The following ST6GALNAC3 variants were observed in gnomAD, a reference collection of about 807,000 sequenced individuals.
ST6GALNAC3 encodes ST6 N-acetylgalactosaminide alpha-2,6-sialyltransferase 3.
In ST6GALNAC3, 25 loss-of-function variants were observed where a neutral mutation model predicts 32.7. That is an observed-to-expected ratio of 0.76 (90% CI 0.56 to 1.07). The LOEUF (loss-of-function observed/expected upper bound fraction) is 1.07. Ranked by LOEUF, ST6GALNAC3 falls within the 50% of genes least tolerant of loss-of-function variation. ST6GALNAC3 has a pLI of 0.00. For synonymous variants in ST6GALNAC3, 129 were observed against 133.1 expected, an observed-to-expected ratio of 0.97 and a Z score of 0.21; for missense variants, 355 against 382.4, an observed-to-expected ratio of 0.93 and a Z score of 0.60.
chr1:76,159,739 T>G (rs770005972), intron 1 of ST6GALNAC3, among the ~76,000 whole-genome samples: 1 of 152,206 alleles, frequency 6.6e-6, no homozygotes. Flanking sequence ...CAACATAATG[T>G]CTGAAAGATA....
intron 3 of ST6GALNAC3, among the ~76,000 whole-genome samples, chr1:76,534,103 C>T (rs193282302): frequency 4.1e-4 from 62 of 151,994 alleles, no homozygotes; most frequent in African/African-American, 1.1e-3. Context: ...AGTGCAGTGC[C>T]GTGATCTTGA....
At chr1:76,206,592 G>A (rs922093417) in intron 1 of ST6GALNAC3, among the ~76,000 whole-genome samples, 2 of 152,140 alleles carry the variant, frequency 1.3e-5, no homozygotes, top group African/African-American at 2.4e-5. Context: ...GCCAGGCATG[G>A]TGGCGGGTGC....
intron 3 of ST6GALNAC3, among the ~76,000 whole-genome samples, chr1:76,574,885 A>G (rs1281329739): frequency 6.6e-6 from 1 of 152,074 alleles, no homozygotes; most frequent in Non-Finnish European, 1.5e-5. Flanking sequence ...TCACTTGGCT[A>G]GTTGAGAAGG....
At chr1:76,611,061 G>A (rs1570442860) in intron 3 of ST6GALNAC3, among the ~76,000 whole-genome samples, 1 of 144,926 alleles carries the variant, frequency 6.9e-6, no homozygotes, top group East Asian at 2.0e-4. Flanking sequence ...TTTTTTTCCA[G>A]GTGAGGTATA....
At chr1:76,238,561 G>T (rs1472652658) in intron 1 of ST6GALNAC3, among the ~76,000 whole-genome samples, 1 of 152,202 alleles carries the variant, frequency 6.6e-6, no homozygotes, top group African/African-American at 2.4e-5. Context: ...TAGCTGAGGA[G>T]ATGGATGATG....
At chr1:76,415,562 A>C (rs187293345) in intron 3 of ST6GALNAC3, among the ~76,000 whole-genome samples, 2 of 152,180 alleles carry the variant, frequency 1.3e-5, no homozygotes, top group African/African-American at 4.8e-5. Context: ...CCTTATGCTC[A>C]GATTGCCCTA....
chr1:76,457,462 G>A (rs1034261255), intron 3 of ST6GALNAC3, among the ~76,000 whole-genome samples: 1 of 152,110 alleles, frequency 6.6e-6, no homozygotes, highest in Non-Finnish European at 1.5e-5. Flanking sequence ...TATACTACAA[G>A]GCTATACTAT....
rs1647244122 is a variant in ST6GALNAC3 at position 76,101,981 on chromosome 1, G to GT, written c.18+27100dup. Among the ~76,000 whole-genome samples the GT allele has an allele frequency of 3.9e-5, 6 of 152,150 alleles. No homozygotes were observed. In the South Asian group the frequency reaches 1.2e-3, roughly 32 times the overall value. ...ATTTGTTGAGTGCAATGTTCTATAT[G>GT]TTTATTTGGCCAATTTTGCTGTTTA... On this transcript the variant is annotated intron_variant, in intron 1 of 4. Coordinates refer to ENST00000328299, the MANE Select transcript of ST6GALNAC3 (RefSeq NM_152996.4).
intron 3 of ST6GALNAC3, among the ~76,000 whole-genome samples, chr1:76,486,323 G>A (rs542074327): frequency 6.6e-4 from 101 of 152,212 alleles, no homozygotes; most frequent in African/African-American, 2.4e-3. Flanking sequence ...TGACAGTGGG[G>A]TGTTAAAGTC....
At chr1:76,574,951 G>A in intron 3 of ST6GALNAC3, among the ~76,000 whole-genome samples, 1 of 152,042 alleles carries the variant, frequency 6.6e-6, no homozygotes, top group East Asian at 1.9e-4. Context: ...CAAAGAAGTT[G>A]ACCTAAGCTC....
intron 3 of ST6GALNAC3, among the ~76,000 whole-genome samples, chr1:76,626,544 C>G (rs1349686978): frequency 7.9e-5 from 12 of 151,926 alleles, no homozygotes; most frequent in Admixed American, 7.9e-4. Context: ...CCCTTCAGTT[C>G]CTGCATTTCC....
chr1:76,369,870 A>T (rs1650679569), intron 2 of ST6GALNAC3, among the ~76,000 whole-genome samples: 1 of 152,192 alleles, frequency 6.6e-6, no homozygotes, highest in South Asian at 2.1e-4. Flanking sequence ...AGCCTTGAAA[A>T]TCATGAGGGA....
At chr1:76,605,575 G>A (rs1207313432) in intron 3 of ST6GALNAC3, among the ~76,000 whole-genome samples, 5 of 151,924 alleles carry the variant, frequency 3.3e-5, no homozygotes, top group Non-Finnish European at 5.9e-5. Flanking sequence ...ATTAAAAAGT[G>A]AGCAAAGGGC....
chr1:76,310,997 A>T (rs1570776856), intron 1 of ST6GALNAC3, among the ~76,000 whole-genome samples: 1 of 152,018 alleles, frequency 6.6e-6, no homozygotes, highest in African/African-American at 2.4e-5. Context: ...CGTCACATGG[A>T]CCCCAAATCT....
intron 1 of ST6GALNAC3, among the ~76,000 whole-genome samples, chr1:76,229,422 C>A (rs1656243531): frequency 6.6e-6 from 1 of 152,172 alleles, no homozygotes; most frequent in Admixed American, 6.5e-5. Flanking sequence ...GCACCCATAA[C>A]CTTTAATTAG....
At chr1:76,088,629 A>G (rs1470129786) in intron 1 of ST6GALNAC3, among the ~76,000 whole-genome samples, 2 of 152,106 alleles carry the variant, frequency 1.3e-5, no homozygotes, top group Non-Finnish European at 2.9e-5. Flanking sequence ...ATCTCTCTAG[A>G]TAAGGCCACA....
chr1:76,112,791 A>G (rs1464252579), intron 1 of ST6GALNAC3, among the ~76,000 whole-genome samples: 4 of 150,706 alleles, frequency 2.7e-5, no homozygotes, highest in African/African-American at 4.9e-5. Flanking sequence ...GCGGCCGGGC[A>G]GAGATGCTCC....
Position 76,184,562 on chromosome 1 carries a change from C to CAT in ST6GALNAC3, c.18+109678_18+109679insAT, listed in dbSNP as rs1553163156. On this transcript the variant is annotated intron_variant, in intron 1 of 4. Transcript: ENST00000328299. ...ACACACACACACACACACACACACA[C>CAT]GAAACATATGGGCAATCCAGGGGAT... Among the ~76,000 whole-genome samples, 959 of 148,082 alleles carry CAT rather than the reference C, an allele frequency of 6.5e-3. 17 individuals carry two copies. Among genetic ancestry groups the CAT allele is most frequent in the African/African-American group, 0.023 (911 of 39,996 alleles).
At chr1:76,456,111 G>T (rs1657766426) in intron 3 of ST6GALNAC3, among the ~76,000 whole-genome samples, 1 of 152,172 alleles carries the variant, frequency 6.6e-6, no homozygotes, top group Non-Finnish European at 1.5e-5. Context: ...GGTTGTGGTT[G>T]CAGTGAGTCA....
Sources: allele counts gnomAD v4.1 joint callset (sites outside exome capture counted in the v4.1 genomes callset), GRCh38; gene constraint gnomAD v4.1.1; transcripts MANE v1.5; gene names NCBI Gene and HGNC (gene_info 2026-07-23, HGNC 2026-07-21).